ATP13A4: variants seen among roughly 807,000 people sequenced by gnomAD.
The protein encoded by ATP13A4 is ATPase 13A4.
In ATP13A4, 114 loss-of-function variants were observed where a neutral mutation model predicts 142.5. The observed-to-expected ratio is 0.80, with a 90% CI of 0.69 to 0.93. The LOEUF (loss-of-function observed/expected upper bound fraction) is 0.93. ATP13A4 is among the 40% of genes least tolerant of loss of function. The probability of loss-of-function intolerance (pLI) is 0.00; values close to 1 mark genes in which losing one functional copy is unlikely to be tolerated. For synonymous variants in ATP13A4, 488 were observed against 514.8 expected (o/e 0.95, Z 0.70); for missense variants, 1,392 against 1,454.0 (o/e 0.96, Z 0.69).
rs78028917 is a variant in ATP13A4, at chr3:193,534,153, A to C, written c.61-19282T>G. Among the ~76,000 whole-genome samples, 829 of 152,348 alleles carry C rather than the reference A, an allele frequency of 5.4e-3. 14 individuals carry two copies. The East Asian group carries it at 0.07, about 13-fold the overall frequency. On this transcript the variant is annotated intron_variant, in intron 1 of 29. Coordinates refer to ENST00000342695, the MANE Select transcript of ATP13A4 (RefSeq NM_032279.4). ...TAATAAGGACCCCTTGCCATCTTCA[A>C]ATATCAATGGAGGTTGAGTGGGCCA...
chr3:193,573,666 G>C (rs1300797567), intron 2 of ATP13A4, among the ~76,000 whole-genome samples: 1 of 152,054 alleles, frequency 6.6e-6, no homozygotes, highest in Non-Finnish European at 1.5e-5. Context: ...TCATCTCTGA[G>C]ATTTACAGCA....
chr3:193,455,340 CAAAAAAAA>C (rs71179306), intron 16 of ATP13A4, among the ~76,000 whole-genome samples: 1 of 75,606 alleles, frequency 1.3e-5, no homozygotes, highest in African/African-American at 5.3e-5. Context: ...GACTCCGTCT[CAAAAAAAA>C]AAAAAAAAAA....
intron 1 of ATP13A4, among the ~76,000 whole-genome samples, chr3:193,528,385 G>A (rs757216057): frequency 6.6e-6 from 1 of 152,170 alleles, no homozygotes; most frequent in Admixed American, 6.5e-5. Context: ...TCTTAAGATG[G>A]CACCATCAAG....
chr3:193,514,610 C>A (rs894791149), intron 2 of ATP13A4, 88 bp downstream of exon 2: 5 of 1,537,722 alleles, frequency 3.3e-6, no homozygotes, highest in Non-Finnish European at 3.6e-6. Context: ...TGCTATCTGT[C>A]TTGTGCACAT....
chr3:193,426,654 G>C (rs1465001471), intron 25 of ATP13A4, among the ~76,000 whole-genome samples: 1 of 151,864 alleles, frequency 6.6e-6, no homozygotes, highest in Non-Finnish European at 1.5e-5. Context: ...AATACATGTA[G>C]ACCAATGGAA....
At chr3:193,555,525 T>C (rs1723852858), upstream of ATP13A4, among the ~76,000 whole-genome samples, 1 of 152,264 alleles carries the variant, frequency 6.6e-6, no homozygotes, top group African/African-American at 2.4e-5. Context: ...TAGTCTCCTT[T>C]CACTAAAATA....
chr3:193,488,600 T>A (rs1719770005), intron 7 of ATP13A4, among the ~76,000 whole-genome samples: 1 of 152,206 alleles, frequency 6.6e-6, no homozygotes, highest in Non-Finnish European at 1.5e-5. Context: ...GTGGCAACCT[T>A]AACAAGATTT....
intron 2 of ATP13A4, among the ~76,000 whole-genome samples, chr3:193,504,394 C>G (rs1720745652): frequency 6.6e-6 from 1 of 152,160 alleles, no homozygotes. Flanking sequence ...TAAGTAAGAA[C>G]TTTCCATTTC....
chr3:193,449,130 C>A (rs78326030), intron 17 of ATP13A4, among the ~76,000 whole-genome samples: 11,812 of 152,304 alleles, frequency 0.078, 574 homozygotes, highest in Non-Finnish European at 0.11. Context: ...TCTTTCTCCA[C>A]CAGCTGGTAG....
chr3:193,441,085 G>A (rs1266483932), intron 20 of ATP13A4, among the ~76,000 whole-genome samples: 3 of 151,928 alleles, frequency 2.0e-5, no homozygotes, highest in African/African-American at 7.3e-5. Flanking sequence ...TGAGTACAGA[G>A]GTCATCTATC....
At chr3:193,485,102 C>T (rs144691842) in intron 7 of ATP13A4, among the ~76,000 whole-genome samples, 4 of 151,874 alleles carry the variant, frequency 2.6e-5, no homozygotes, top group East Asian at 3.9e-4. Context: ...AAACAAAAAG[C>T]CTAGTGCATC....
intron 2 of ATP13A4, among the ~76,000 whole-genome samples, chr3:193,578,186 G>C (rs534247234): frequency 6.6e-6 from 1 of 152,128 alleles, no homozygotes; most frequent in Non-Finnish European, 1.5e-5. Context: ...CCAACTACTC[G>C]GGAGGCTGAG....
intron 24 of ATP13A4, among the ~76,000 whole-genome samples, chr3:193,434,882 C>T (rs570200662): frequency 6.6e-6 from 1 of 152,204 alleles, no homozygotes; most frequent in African/African-American, 2.4e-5. Flanking sequence ...TTCAGGGAAC[C>T]AGTGGCATGC....
intron 1 of ATP13A4, 102 bp downstream of exon 1, chr3:193,554,638 T>C (rs555638161): frequency 5.7e-6 from 8 of 1,407,078 alleles, no homozygotes; most frequent in East Asian, 2.3e-5. Flanking sequence ...AAAGTCTGTG[T>C]GTGTGTGATG....
At chr3:193,475,455 A>G (rs1334073476) in intron 8 of ATP13A4, among the ~76,000 whole-genome samples, 3 of 151,924 alleles carry the variant, frequency 2.0e-5, no homozygotes, top group Non-Finnish European at 2.9e-5. Flanking sequence ...ATTAATATAT[A>G]TTGTATTTTG....
chr3:193,504,192 AT>A (rs1316791641), intron 2 of ATP13A4, among the ~76,000 whole-genome samples: 1 of 152,172 alleles, frequency 6.6e-6, no homozygotes, highest in East Asian at 1.9e-4. Context: ...ATCAATTCAA[AT>A]CAAATTGTAT....
chr3:193,457,580 T>G (rs1304412565), intron 14 of ATP13A4, 115 bp from the exon 15 acceptor site: 2 of 955,412 alleles, frequency 2.1e-6, no homozygotes, highest in Non-Finnish European at 3.3e-6. Context: ...GTGTTTTCCG[T>G]GTCTCTTCCC....
intron 1 of ATP13A4, among the ~76,000 whole-genome samples, chr3:193,516,993 T>G (rs895934025): frequency 2.0e-5 from 3 of 152,228 alleles, no homozygotes; most frequent in African/African-American, 7.2e-5. Flanking sequence ...TATTGGGCAC[T>G]TAATAGCCTT....
chr3:193,554,742 T>C lies in ATP13A4; in HGVS notation c.58A>G (p.Met20Val), dbSNP rs1018432488. ...AGGGAATGTGGCTAGAATCTTACCATCTCATTCTCTTCTCCTTCATTGAGC... is the reference window on the plus strand; with the variant it reads ...AGGGAATGTGGCTAGAATCTTACCACCTCATTCTCTTCTCCTTCATTGAGC... Reference protein sequence around the residue: ...ALLNEGEENEMEIFGYRTQGC... With the variant: ...ALLNEGEENEVEIFGYRTQGC... Residue 20 changes from methionine (M) to valine (V), a missense_variant and splice_region_variant, in exon 1 of 30, where the codon ATG (methionine) becomes GTG (valine). Coordinates refer to ENST00000342695, the MANE Select transcript of ATP13A4 (RefSeq NM_032279.4). The C allele has an allele frequency of 6.2e-7, 1 of 1,613,660 alleles. No individual in the cohort carries two copies. The highest frequency in any genetic ancestry group is 1.3e-5 in the African/African-American group (1 of 74,824).
Sources: gnomAD v4.1 joint callset for allele counts (sites outside exome capture counted in the v4.1 genomes callset) on GRCh38, gnomAD v4.1.1 for gene constraint, MANE v1.5 for transcripts, NCBI Gene and HGNC (gene_info 2026-07-23, HGNC 2026-07-21) for gene names.